The following CDKL5 variants were observed in gnomAD, a reference collection of about 807,000 sequenced individuals.
CDKL5 encodes the protein cyclin dependent kinase like 5, also known as cyclin-dependent kinase-like 5.
Under a neutral mutation model 61.7 loss-of-function variants are expected in CDKL5, and 8 were observed. The observed-to-expected ratio is 0.13, with a 90% CI of 0.08 to 0.23. CDKL5 has a LOEUF of 0.23. Ranked by LOEUF, CDKL5 falls within the 10% of genes least tolerant of loss-of-function variation. CDKL5 has a pLI of 1.00. For missense variants in CDKL5, 440 were observed against 734.5 expected (o/e 0.60, Z 4.63); for synonymous variants, 275 against 272.3 (o/e 1.01, Z -0.10).
At position 18,653,493 on chromosome X, in the gene CDKL5, C is replaced by A. The variant is rs587783163; in HGVS notation, c.3042C>A (p.Asn1014Lys). ...CCCTGATTCACAGGGCCCAGGTAAA[C>A]CAAGCTGCGCTCCTGACATACCATG... is the stretch of plus-strand genomic sequence containing the variant. The change falls in exon 22 of 22, where the codon AAC becomes AAA. Residue 1014 changes from asparagine (N) to lysine (K), a missense_variant. Physicochemically the swap from Asn to Lys is moderately conservative, Grantham distance 94. Coordinates refer to the CDKL5 transcript ENST00000379989. 3 of 1,210,148 alleles carry A rather than the reference C, an allele frequency of 2.5e-6. No individual in the cohort carries two copies. In the African/African-American group the frequency reaches 5.2e-5, roughly 21 times the overall value.
At chrX:18,530,529 T>G (rs1000595451) in intron 3 of CDKL5, among the ~76,000 whole-genome samples, 1 of 111,129 alleles carries the variant, frequency 9.0e-6, no homozygotes, top group African/African-American at 3.3e-5. Context: ...TAATTCTTCC[T>G]TAGAGTTATG....
intron 1 of CDKL5, among the ~76,000 whole-genome samples, chrX:18,504,922 A>G (rs1652023784): frequency 1.9e-5 from 2 of 104,484 alleles, no homozygotes; most frequent in African/African-American, 7.0e-5. Context: ...GACAGAGCGA[A>G]ACTCCGTCTC....
intron 17 of CDKL5, among the ~76,000 whole-genome samples, chrX:18,626,058 G>A (rs182139963): frequency 1.3e-4 from 14 of 107,911 alleles, no homozygotes; most frequent in Non-Finnish European, 1.7e-4. Flanking sequence ...TTGGGAGAGC[G>A]GACTACTGTT....
chrX:18,610,833 C>A (rs1926526970), intron 14 of CDKL5, among the ~76,000 whole-genome samples: 1 of 112,094 alleles, frequency 8.9e-6, no homozygotes. Context: ...GCCTGTAAAG[C>A]CTTCAAGAGT....
chrX:18,553,463 T>TGC lies in CDKL5; in HGVS notation c.100-11012_100-11011dup, dbSNP rs772963132. Reference sequence around the variant, plus strand: ...TGGCTTGAAGGCAGTTGTGTGTGTGTGCGTGTGTGTGTGTGTGTGTGTGTG... The same window carrying TGC: ...TGGCTTGAAGGCAGTTGTGTGTGTGTGCGCGTGTGTGTGTGTGTGTGTGTGTG... On this transcript the variant is annotated intron_variant, in intron 3 of 17. Transcript: ENST00000623535. Among the ~76,000 whole-genome samples the TGC allele has an allele frequency of 3.6e-3, 357 of 99,113 alleles. 4 individuals are homozygous for TGC. Among genetic ancestry groups the TGC allele is most frequent in the African/African-American group, 0.013 (326 of 25,030 alleles). The allele number at this position is 99,113 out of a possible 115,157, so 86.1% of individuals were successfully genotyped here. A position where few individuals can be genotyped will look rare whatever the true frequency, so the allele number is the denominator to read the frequency against.
At chrX:18,521,428 C>T (rs1220570655) in intron 3 of CDKL5, among the ~76,000 whole-genome samples, 2 of 110,244 alleles carry the variant, frequency 1.8e-5, no homozygotes. Flanking sequence ...AAACCATTGC[C>T]GAATCCAATG....
At chrX:18,546,397 G>A (rs1243057930) in intron 3 of CDKL5, among the ~76,000 whole-genome samples, 1 of 108,316 alleles carries the variant, frequency 9.2e-6, no homozygotes, top group East Asian at 2.9e-4. Context: ...TAGTAGCTGG[G>A]ATTACAGGCG....
intron 4 of CDKL5, among the ~76,000 whole-genome samples, chrX:18,574,015 T>TG (rs1365178093): frequency 9.0e-6 from 1 of 111,191 alleles, no homozygotes; most frequent in Non-Finnish European, 1.9e-5. Flanking sequence ...CTGCGTGCCT[T>TG]GGTTAGAGAG....
intron 3 of CDKL5, chrX:18,535,078 G>GGAGT (rs1923774682): frequency 8.9e-6 from 1 of 112,373 alleles, no homozygotes; most frequent in South Asian, 3.7e-4. Flanking sequence ...GTTGGTGACT[G>GGAGT]GAGTGCCTCA....
At chrX:18,552,251 AAAG>A (rs1232383972) in intron 3 of CDKL5, among the ~76,000 whole-genome samples, 91 of 109,289 alleles carry the variant, frequency 8.3e-4, no homozygotes, top group Non-Finnish European at 1.4e-3. Flanking sequence ...AAAAAAAAAA[AAAG>A]AAAGAAAGAA....
chrX:18,613,267 C>T lies in CDKL5; in HGVS notation c.2268C>T (p.Phe756=). The T allele has an allele frequency of 8.3e-7, 1 of 1,197,837 alleles. No individual in the cohort carries two copies. Among genetic ancestry groups the T allele is most frequent in the Non-Finnish European group, 1.1e-6 (1 of 886,799 alleles). Residue 756 remains phenylalanine, a synonymous_variant, in exon 15 of 18, where the codon TTC becomes TTT. Transcript: ENST00000623535. ...ACCACTCAAAAAGACAACCAGCATT[C>T]GATCCATGGTGAGCATTTTGGTTTG... The part of the protein sequence containing the change: ...GTNHSKRQPA[F]DPWKSPENIS...
intron 5 of CDKL5, among the ~76,000 whole-genome samples, chrX:18,576,618 T>C (rs1278230612): frequency 1.8e-5 from 2 of 110,180 alleles, no homozygotes; most frequent in Non-Finnish European, 3.8e-5. Flanking sequence ...CAAATTGTTT[T>C]TTGAAATAAA....
At position 18,634,089 on chromosome X, in the gene CDKL5, A is replaced by G. The variant is rs749374724; in HGVS notation, c.*5332A>G. On this transcript the variant is annotated 3_prime_UTR_variant, in exon 18 of 18. Coordinates refer to ENST00000623535, the MANE Select transcript of CDKL5 (RefSeq NM_001323289.2). ...GGTTAAGCTCTCGAAACCCCATTTG[A>G]TCCTTGGTTCCTATTTCGATCCTCC... The G allele has an allele frequency of 4.0e-5, 30 of 753,788 alleles. No homozygotes were observed. The highest frequency in any genetic ancestry group is 4.5e-5 in the Non-Finnish European group (29 of 639,269). 62.1% of individuals were successfully genotyped at this position (753,788 alleles called of 1,213,427 possible). A position where few individuals can be genotyped will look rare whatever the true frequency, so the allele number is the denominator to read the frequency against.
chrX:18,434,916 A>G (rs1254116174), intron 1 of CDKL5, among the ~76,000 whole-genome samples: 7 of 112,127 alleles, frequency 6.2e-5, no homozygotes, highest in Non-Finnish European at 1.3e-4. Context: ...CCACAGAGTG[A>G]GACTCTATCT....
In CDKL5 at chrX:18,625,176, C is replaced by A. The variant is rs1336526906; in HGVS notation, c.2425C>A (p.His809Asn). ...TCTTCTGACGTTGCAGAAATCCATT[C>A]ATTCTGCTAGCACTCCAAGCAGCAG... ...PDLLTLQKSI[H>N]SASTPSSRPK... The change falls in exon 17 of 18, where the codon CAT becomes AAT. Residue 809 changes from histidine to asparagine, a missense_variant. Transcript: ENST00000623535. 8.3e-7 allele frequency: 1 copy of A among 1,202,785 alleles called. No homozygotes were observed. The highest frequency in any genetic ancestry group is 1.1e-6 in the Non-Finnish European group (1 of 890,701).
intron 1 of CDKL5, among the ~76,000 whole-genome samples, chrX:18,458,443 A>C (rs1254094487): frequency 1.8e-5 from 2 of 111,801 alleles, no homozygotes; most frequent in East Asian, 5.6e-4. Context: ...TTAGACATTA[A>C]ATTTATTAAA....
intron 14 of CDKL5, among the ~76,000 whole-genome samples, chrX:18,610,547 TACACTGCC>T (rs1926516256): frequency 4.4e-5 from 5 of 112,905 alleles, no homozygotes; most frequent in Non-Finnish European, 9.4e-5. Context: ...CATTGACTAG[TACACTGCC>T]TCGCACAGTT....
intron 5 of CDKL5, among the ~76,000 whole-genome samples, chrX:18,579,016 A>G (rs1410862065): frequency 8.9e-6 from 1 of 111,810 alleles, no homozygotes; most frequent in Non-Finnish European, 1.9e-5. Flanking sequence ...AAAGGCAAAC[A>G]TCACAGTCTT....
chrX:18,484,281 T>A (rs761536128), intron 1 of CDKL5, among the ~76,000 whole-genome samples: 3 of 111,949 alleles, frequency 2.7e-5, no homozygotes, highest in African/African-American at 9.7e-5. Context: ...ACAAGTTCAT[T>A]CTCTGTTAGA....
Sources: allele counts gnomAD v4.1 joint callset (sites outside exome capture counted in the v4.1 genomes callset), GRCh38; gene constraint gnomAD v4.1.1; transcripts MANE v1.5; gene names NCBI Gene and HGNC (gene_info 2026-07-23, HGNC 2026-07-21).